The following PRKCQ variants were observed in gnomAD, a reference collection of about 807,000 sequenced individuals.
PRKCQ encodes protein kinase C theta type.
In PRKCQ, 41 loss-of-function variants were observed where a neutral mutation model predicts 91.2. That is an observed-to-expected ratio of 0.45 (90% confidence interval 0.35 to 0.58). The LOEUF is 0.58. PRKCQ is among the 20% of genes least tolerant of loss of function. PRKCQ has a pLI of 0.00. For synonymous variants in PRKCQ, 307 were observed against 316.9 expected (o/e 0.97, Z 0.33); for missense variants, 673 against 896.5 (o/e 0.75, Z 3.18).
rs45449405 is a variant in PRKCQ at position 6,428,081 on chromosome 10, G to T, written c.*126C>A. On this transcript the variant is annotated 3_prime_UTR_variant, in exon 18 of 18. Transcript: ENST00000263125. ...AGATAAAAGTCACATGGGGGCGAACGGGTCTCAGTCTTTATTGTTGAGTGT... is the reference window on the plus strand; with the variant it reads ...AGATAAAAGTCACATGGGGGCGAACTGGTCTCAGTCTTTATTGTTGAGTGT... The T allele has an allele frequency of 8.2e-7, 1 of 1,216,298 alleles. No individual in the cohort carries two copies. The highest frequency in any genetic ancestry group is 1.2e-6 in the Non-Finnish European group (1 of 857,428). The allele number at this position is 1,216,298 out of a possible 1,614,324, so 75.3% of individuals were successfully genotyped here. A position where few individuals can be genotyped will look rare whatever the true frequency, so the allele number is the denominator to read the frequency against.
intron 1 of PRKCQ, among the ~76,000 whole-genome samples, chr10:6,558,844 G>C (rs1324866939): frequency 1.3e-5 from 2 of 152,200 alleles, no homozygotes; most frequent in Non-Finnish European, 2.9e-5. Flanking sequence ...TAGGGTGTAA[G>C]AGAAGGGGGC....
downstream of PRKCQ, among the ~76,000 whole-genome samples, chr10:6,424,747 C>T (rs1352763147): frequency 6.6e-6 from 1 of 152,132 alleles, no homozygotes; most frequent in Admixed American, 6.5e-5. Context: ...TCTTGCTGGA[C>T]GGGATCTGAG....
At chr10:6,396,067 G>A in the PRKCQ span, among the ~76,000 whole-genome samples, 1 of 152,086 alleles carries the variant, frequency 6.6e-6, no homozygotes, top group African/African-American at 2.4e-5. Flanking sequence ...AATAGCAAAT[G>A]GCGATCGATA....
chr10:6,404,944 T>TTCCTTCTA, the PRKCQ span, among the ~76,000 whole-genome samples: 2 of 60,032 alleles, frequency 3.3e-5, no homozygotes, highest in Non-Finnish European at 6.6e-5. Flanking sequence ...CTTCCCTTCC[T>TTCCTTCTA]TCCTTCCTTC....
At chr10:6,421,300 C>T in the PRKCQ span, among the ~76,000 whole-genome samples, 1 of 152,142 alleles carries the variant, frequency 6.6e-6, no homozygotes, top group Non-Finnish European at 1.5e-5. The surrounding 1 kb of genome is among the most constrained non-coding windows in gnomAD (Gnocchi z 4.1). Flanking sequence ...GCCTGGGTAA[C>T]AAAGTGAGAC....
intron 9 of PRKCQ, 38 bp downstream of exon 9, chr10:6,485,997 G>C: frequency 6.5e-7 from 1 of 1,538,586 alleles, no homozygotes; most frequent in Non-Finnish European, 9.0e-7. Flanking sequence ...CTTGCTGAGC[G>C]GCCATGGCGG....
intron 1 of PRKCQ, among the ~76,000 whole-genome samples, chr10:6,533,924 G>A (rs1839483590): frequency 6.6e-6 from 1 of 152,100 alleles, no homozygotes; most frequent in Non-Finnish European, 1.5e-5. Context: ...AGGTAACATA[G>A]ATCAATAATT....
At chr10:6,526,763 G>A (rs767135693) in intron 1 of PRKCQ, among the ~76,000 whole-genome samples, 6 of 152,328 alleles carry the variant, frequency 3.9e-5, no homozygotes, top group East Asian at 1.9e-4. Context: ...GTAGGACACC[G>A]CCCGAGGGGT....
chr10:6,420,055 C>T, the PRKCQ span, among the ~76,000 whole-genome samples: 7 of 152,208 alleles, frequency 4.6e-5, no homozygotes, highest in South Asian at 1.5e-3. Flanking sequence ...GTGGTGCGAT[C>T]TCGGCTCACT....
chr10:6,417,555 C>T, the PRKCQ span, among the ~76,000 whole-genome samples: 4 of 152,196 alleles, frequency 2.6e-5, no homozygotes, highest in Non-Finnish European at 4.4e-5. Flanking sequence ...CGATCTAAAA[C>T]GATGCCAGCG....
the PRKCQ span, among the ~76,000 whole-genome samples, chr10:6,421,656 C>T: frequency 6.6e-6 from 1 of 152,210 alleles, no homozygotes; most frequent in Non-Finnish European, 1.5e-5. The surrounding 1 kb of genome is among the most constrained non-coding windows in gnomAD (Gnocchi z 4.1). Flanking sequence ...TTGTTCATGA[C>T]TTCATTTCCA....
At chr10:6,432,888 C>T (rs1833492129) in intron 16 of PRKCQ, among the ~76,000 whole-genome samples, 1 of 152,166 alleles carries the variant, frequency 6.6e-6, no homozygotes, top group African/African-American at 2.4e-5. Context: ...ATACCCTCCC[C>T]TAGTCGACTC....
At position 6,491,696 on chromosome 10, in the gene PRKCQ, T is replaced by A. The variant is rs765492833; in HGVS notation, c.777A>T (p.Gly259=). ...CACTGGACTCACCATCACACTTGAG[T>A]CCTTGCCGTGCCAGTCCCCACAGCA... The part of the protein sequence containing the change: ...GTLLWGLARQ[G]LKCDACGMNV... Residue 259 remains glycine (G), a synonymous_variant, in exon 8 of 18, where the codon GGA becomes GGT. Coordinates refer to ENST00000263125, the MANE Select transcript of PRKCQ (RefSeq NM_006257.5). 1 of 1,614,132 alleles carries A rather than the reference T, an allele frequency of 6.2e-7. No homozygotes were observed. Among genetic ancestry groups the A allele is most frequent in the Non-Finnish European group, 8.5e-7 (1 of 1,180,018 alleles).
chr10:6,456,613 G>A, intron 15 of PRKCQ, 61 bp downstream of exon 15: 1 of 1,576,254 alleles, frequency 6.3e-7, no homozygotes, highest in Non-Finnish European at 8.6e-7. Context: ...AGGGGCTAAA[G>A]AAGCAATGGC....
chr10:6,568,395 C>G (rs1840910441), intron 1 of PRKCQ, among the ~76,000 whole-genome samples: 1 of 151,728 alleles, frequency 6.6e-6, no homozygotes, highest in Non-Finnish European at 1.5e-5. Flanking sequence ...TGAATTTTTG[C>G]TATGTCTACA....
downstream of PRKCQ, among the ~76,000 whole-genome samples, chr10:6,422,254 A>G (rs1287798576): frequency 6.6e-6 from 1 of 152,196 alleles, no homozygotes; most frequent in South Asian, 2.1e-4. Flanking sequence ...TTCACTTCTC[A>G]TATGGCTTGT....
At chr10:6,545,769 T>C (rs1839928099) in intron 1 of PRKCQ, among the ~76,000 whole-genome samples, 1 of 152,094 alleles carries the variant, frequency 6.6e-6, no homozygotes, top group Admixed American at 6.5e-5. Flanking sequence ...TCCCAGCACT[T>C]TGGGAGGCTG....
intron 12 of PRKCQ, among the ~76,000 whole-genome samples, chr10:6,467,586 T>C (rs1055317143): frequency 3.9e-5 from 6 of 152,020 alleles, no homozygotes; most frequent in Non-Finnish European, 5.9e-5. Flanking sequence ...TGTGATGGCA[T>C]TGGGGGATGG....
intron 1 of PRKCQ, among the ~76,000 whole-genome samples, chr10:6,521,974 G>A (rs927504011): frequency 1.4e-4 from 21 of 147,262 alleles, no homozygotes; most frequent in African/African-American, 2.5e-4. Context: ...ACGGAGTCTC[G>A]CCCTGTTGCC....
Sources: allele counts gnomAD v4.1 joint callset (sites outside exome capture counted in the v4.1 genomes callset), GRCh38; gene constraint gnomAD v4.1.1; non-coding constraint Gnocchi (gnomAD v3.1); transcripts MANE v1.5; gene names NCBI Gene and HGNC (gene_info 2026-07-23, HGNC 2026-07-21).